The following CLASP2 variants were observed in gnomAD, a reference collection of about 807,000 sequenced individuals.
The protein encoded by CLASP2 is CLIP-associating protein 2.
In CLASP2, 47 loss-of-function variants were observed where a neutral mutation model predicts 194.4. That is an observed-to-expected ratio of 0.24 (90% CI 0.19 to 0.31). CLASP2 has a LOEUF of 0.31. Among genes scored for constraint, CLASP2 ranks in the 10% least tolerant of loss-of-function variants. CLASP2 has a pLI of 1.00. For synonymous variants in CLASP2, 619 were observed against 633.5 expected, an observed-to-expected ratio of 0.98 and a Z score of 0.34; for missense variants, 1,445 against 1,823.6, an observed-to-expected ratio of 0.79 and a Z score of 3.78.
chr3:33,572,962 T>C (rs1349737614), intron 25 of CLASP2, 148 bp downstream of exon 25: 15 of 791,752 alleles, frequency 1.9e-5, no homozygotes, highest in Non-Finnish European at 2.5e-5. Context: ...CCTAAAAGAC[T>C]GAAGCTTTGG....
intron 34 of CLASP2, among the ~76,000 whole-genome samples, chr3:33,518,185 C>T (rs1440816627): frequency 1.3e-5 from 2 of 151,944 alleles, no homozygotes. Flanking sequence ...AGAATTGGGC[C>T]CAGTGGTTAC....
At chr3:33,674,547 C>A (rs1459200702) in intron 6 of CLASP2, among the ~76,000 whole-genome samples, 1 of 151,894 alleles carries the variant, frequency 6.6e-6, no homozygotes, top group African/African-American at 2.4e-5. Flanking sequence ...AGAGCAAACA[C>A]ATTCAAAAGC....
At chr3:33,635,256 ACT>A (rs2079920518) in intron 8 of CLASP2, among the ~76,000 whole-genome samples, 1 of 151,896 alleles carries the variant, frequency 6.6e-6, no homozygotes, top group Admixed American at 6.6e-5. Context: ...ACAGAGCGAG[ACT>A]CTGTCTCAAA....
At chr3:33,647,194 T>C (rs1015729078) in intron 7 of CLASP2, among the ~76,000 whole-genome samples, 11 of 152,046 alleles carry the variant, frequency 7.2e-5, no homozygotes, top group East Asian at 1.9e-4. Context: ...GTAAACACAA[T>C]AATTTATTTT....
chr3:33,713,731 T>C (rs1221509396), intron 1 of CLASP2, among the ~76,000 whole-genome samples: 1 of 152,120 alleles, frequency 6.6e-6, no homozygotes, highest in Non-Finnish European at 1.5e-5. Flanking sequence ...TTGCCCAGGC[T>C]GGAGTACAGT....
chr3:33,593,042 T>C (rs921756566), intron 20 of CLASP2, among the ~76,000 whole-genome samples: 8 of 152,206 alleles, frequency 5.3e-5, no homozygotes. Flanking sequence ...CAATCAACTA[T>C]TTCATTTAGA....
chr3:33,507,773 C>A (rs2048676870), intron 37 of CLASP2, among the ~76,000 whole-genome samples: 1 of 152,104 alleles, frequency 6.6e-6, no homozygotes, highest in East Asian at 1.9e-4. Context: ...CGTGAGCCAC[C>A]AAGCCAGGCA....
chr3:33,687,152 A>G lies in CLASP2; in HGVS notation c.471-17T>C. The G allele has an allele frequency of 6.6e-7, 1 of 1,510,148 alleles. No individual in the cohort carries two copies. The highest frequency in any genetic ancestry group is 9.0e-7 in the Non-Finnish European group (1 of 1,114,678). The allele number at this position is 1,510,148 out of a possible 1,614,324, so 93.5% of individuals were successfully genotyped here. A position where few individuals can be genotyped will look rare whatever the true frequency, so the allele number is the denominator to read the frequency against. Reference sequence around the variant, plus strand: ...GCCCCAAAACTAAATATAATTTGAGAAAAAAATAAAGAAAATTTGTTTTTA... The same window carrying G: ...GCCCCAAAACTAAATATAATTTGAGGAAAAAATAAAGAAAATTTGTTTTTA... On this transcript the variant is annotated splice_polypyrimidine_tract_variant and intron_variant, in intron 4 of 38. Transcript: ENST00000682230.
At chr3:33,562,318 C>T (rs1653644591) in intron 27 of CLASP2, among the ~76,000 whole-genome samples, 1 of 152,180 alleles carries the variant, frequency 6.6e-6, no homozygotes, top group Non-Finnish European at 1.5e-5. Context: ...AGATTCCAAA[C>T]TTGGCCAACT....
intron 1 of CLASP2, 55 bp downstream of exon 1, chr3:33,717,753 A>C: frequency 6.5e-7 from 1 of 1,535,108 alleles, no homozygotes; most frequent in East Asian, 2.5e-5. Flanking sequence ...CGCGTCCGGG[A>C]TTAAAGGGCT....
chr3:33,512,821 C>T (rs575761722), intron 36 of CLASP2, among the ~76,000 whole-genome samples: 21 of 151,878 alleles, frequency 1.4e-4, no homozygotes, highest in African/African-American at 4.1e-4. Flanking sequence ...AACCCTGTCT[C>T]CACTAAAAAT....
chr3:33,600,177 A>G (rs1260357782), intron 18 of CLASP2, among the ~76,000 whole-genome samples: 2 of 151,856 alleles, frequency 1.3e-5, no homozygotes, highest in Non-Finnish European at 2.9e-5. Context: ...TTCCATTCCA[A>G]TTTGGATACC....
At chr3:33,648,633 C>T (rs2082675578) in intron 7 of CLASP2, among the ~76,000 whole-genome samples, 1 of 151,976 alleles carries the variant, frequency 6.6e-6, no homozygotes, top group Non-Finnish European at 1.5e-5. Flanking sequence ...TATCACTAGC[C>T]CTAAAATTTA....
intron 1 of CLASP2, among the ~76,000 whole-genome samples, chr3:33,713,012 C>CA (rs57940200): frequency 0.03 from 1,395 of 46,902 alleles, 127 homozygotes; most frequent in East Asian, 0.088. Context: ...AACTCCACCT[C>CA]AAAAAAAAAA....
intron 27 of CLASP2, chr3:33,564,059 C>G (rs954162294): frequency 2.6e-6 from 1 of 389,210 alleles, no homozygotes; most frequent in African/African-American, 2.1e-5. Context: ...CACAGAGGGG[C>G]AAACTATTTA....
At chr3:33,693,472 T>G (rs944476551) in intron 2 of CLASP2, among the ~76,000 whole-genome samples, 5 of 152,318 alleles carry the variant, frequency 3.3e-5, no homozygotes, top group Non-Finnish European at 7.4e-5. Context: ...CTGGCTAAGT[T>G]CTGTAACACA....
At position 33,551,384 on chromosome 3, in the gene CLASP2, A is replaced by G. The variant is rs2059980960; in HGVS notation, c.3021T>C (p.Ala1007=). The part of the protein sequence containing the change: ...TQTPSLKVKV[A]ILKYIETLAK... The stretch of plus-strand genomic sequence containing the variant: ...CCAGAGTTTCTATGTATTTAAGGAT[A>G]GCAACCTTCACCTGCAGAGGAAAGC... The change falls in exon 30 of 39, where the codon GCT becomes GCC. Residue 1007 remains alanine, a synonymous_variant. Transcript: ENST00000682230. 1.2e-6 allele frequency: 2 copies of G among 1,613,418 alleles called. No individual in the cohort carries two copies. The highest frequency in any genetic ancestry group is 1.1e-5 in the South Asian group (1 of 90,974).
intron 21 of CLASP2, among the ~76,000 whole-genome samples, chr3:33,591,498 C>T (rs1240095732): frequency 1.3e-5 from 2 of 152,224 alleles, no homozygotes; most frequent in East Asian, 3.9e-4. Flanking sequence ...GTGGCACCAG[C>T]CACTCAAGAG....
Position 33,515,370 on chromosome 3 carries a change from C to T in CLASP2, c.4110+653G>A, listed in dbSNP as rs571342721. Among the ~76,000 whole-genome samples, 6 of 152,288 alleles carry T rather than the reference C, an allele frequency of 3.9e-5. No individual in the cohort carries two copies. The East Asian group carries it at 1.2e-3, about 29-fold the overall frequency. On this transcript the variant is annotated intron_variant, in intron 36 of 38. Coordinates refer to ENST00000682230, the MANE Select transcript of CLASP2 (RefSeq NM_001365631.1). ...GGTTCACGGAACTCTTCCATGAAAG[C>T]TATCCTCACTACTTTGGTGAATAAA...
Sources: allele counts gnomAD v4.1 joint callset (sites outside exome capture counted in the v4.1 genomes callset), GRCh38; gene constraint gnomAD v4.1.1; transcripts MANE v1.5; gene names NCBI Gene and HGNC (gene_info 2026-07-23, HGNC 2026-07-21).